Variants in ZNF578 observed in about 807,000 individuals in gnomAD.
ZNF578 encodes the protein zinc finger protein 578.
Under a neutral mutation model 8.3 loss-of-function variants are expected in ZNF578, and 8 were observed. That is an observed-to-expected ratio of 0.96 (90% CI 0.56 to 1.74). The LOEUF (loss-of-function observed/expected upper bound fraction) is 1.74, where lower values mean the gene tolerates loss of function less well. Ranked by LOEUF, ZNF578 falls within the 40% of genes most tolerant of loss-of-function variation. The pLI is 0.00. For missense variants in ZNF578, 726 were observed against 707.5 expected (o/e 1.03, Z -0.30); for synonymous variants, 206 against 232.2 (o/e 0.89, Z 1.03).
chr19:52,504,306 G>A (rs1458194739), intron 4 of ZNF578, among the ~76,000 whole-genome samples: 8 of 149,626 alleles, frequency 5.3e-5, no homozygotes, highest in Middle Eastern at 3.5e-3. Context: ...GGCCAGGGTG[G>A]TCTCGAACTC....
At chr19:52,492,460 A>ACTCC (rs2059369036) in intron 3 of ZNF578, among the ~76,000 whole-genome samples, 1 of 152,176 alleles carries the variant, frequency 6.6e-6, no homozygotes, top group Admixed American at 6.5e-5. Flanking sequence ...TCCCTCCTGA[A>ACTCC]TGAATGGCGA....
Position 52,511,359 on chromosome 19 carries a change from C to T in ZNF578, c.978C>T (p.Tyr326=), listed in dbSNP as rs533739679. Residue 326 remains tyrosine (Y), a synonymous_variant, in exon 6 of 6, where the codon TAC becomes TAT. Transcript: ENST00000421239. The stretch of plus-strand genomic sequence containing the variant: ...ATGAATGTGGAAAGTCCTTCAGTTA[C>T]AAGTCATCCCTTACATGCCATCATA... ...KCNECGKSFS[Y]KSSLTCHHRC... The T allele has an allele frequency of 2.5e-6, 4 of 1,613,634 alleles. No homozygotes were observed. The highest frequency in any genetic ancestry group is 2.5e-6 in the Non-Finnish European group (3 of 1,179,892).
chr19:52,469,522 C>G (rs770521359), intron 2 of ZNF578, among the ~76,000 whole-genome samples: 1 of 152,060 alleles, frequency 6.6e-6, no homozygotes, highest in Non-Finnish European at 1.5e-5. Flanking sequence ...GGAGTTGGCT[C>G]TCTAATCTTA....
intron 3 of ZNF578, among the ~76,000 whole-genome samples, chr19:52,495,547 AG>A (rs1413649124): frequency 6.6e-6 from 1 of 151,624 alleles, no homozygotes; most frequent in Non-Finnish European, 1.5e-5. Flanking sequence ...GGAGAGAGAA[AG>A]TGAAAAAGGG....
At chr19:52,493,958 C>G (rs1458744096) in intron 3 of ZNF578, among the ~76,000 whole-genome samples, 2 of 150,772 alleles carry the variant, frequency 1.3e-5, no homozygotes, top group African/African-American at 4.9e-5. Flanking sequence ...CCATTTCACT[C>G]CAGCCTGGGC....
intron 2 of ZNF578, among the ~76,000 whole-genome samples, chr19:52,477,367 G>A (rs2059311342): frequency 2.0e-5 from 3 of 152,046 alleles, no homozygotes; most frequent in Admixed American, 1.3e-4. Context: ...GAGGGGCCTG[G>A]GTCCAGGCCC....
chr19:52,509,924 C>G (rs1309938682), intron 5 of ZNF578, among the ~76,000 whole-genome samples: 1 of 150,484 alleles, frequency 6.6e-6, no homozygotes, highest in African/African-American at 2.4e-5. Context: ...CTTTGTTGCC[C>G]AGTGTGGAGT....
intron 3 of ZNF578, among the ~76,000 whole-genome samples, chr19:52,500,482 C>T (rs1233658875): frequency 4.6e-5 from 7 of 150,992 alleles, no homozygotes; most frequent in Non-Finnish European, 1.0e-4. Context: ...TCTTGGCTCA[C>T]TGCAACCTCT....
intron 2 of ZNF578, among the ~76,000 whole-genome samples, chr19:52,461,010 A>G (rs771331544): frequency 5.9e-5 from 9 of 152,198 alleles, no homozygotes; most frequent in Admixed American, 1.3e-4. Flanking sequence ...ACCGATACAC[A>G]TTAAAGTAAA....
In ZNF578 at chr19:52,459,767, A is replaced by ATT. The variant is rs1177924530; in HGVS notation, c.-122+2810_-122+2811insTT. ...TGTGTGTGTGTATATATATATATAT[A>ATT]TATTTTTTTTTTTTTTTTTTTTTTT... is the stretch of plus-strand genomic sequence containing the variant. On this transcript the variant is annotated intron_variant, in intron 2 of 5. Coordinates refer to ENST00000421239, the MANE Select transcript of ZNF578 (RefSeq NM_001099694.2). Among the ~76,000 whole-genome samples the ATT allele has an allele frequency of 6.6e-4, 4 of 6,018 alleles. 1 individual carries two copies. Among genetic ancestry groups the ATT allele is most frequent in the Non-Finnish European group, 1.2e-3 (2 of 1,602 alleles). The allele number at this position is 6,018 out of a possible 152,430, so 3.9% of individuals were successfully genotyped here.
chr19:52,483,944 G>C (rs2059335972), intron 2 of ZNF578, among the ~76,000 whole-genome samples: 1 of 151,224 alleles, frequency 6.6e-6, no homozygotes, highest in South Asian at 2.1e-4. Context: ...AAAGTATAGA[G>C]AAAGAAAAGC....
chr19:52,485,845 A>G (rs185123517), intron 2 of ZNF578, among the ~76,000 whole-genome samples: 1 of 152,256 alleles, frequency 6.6e-6, no homozygotes, highest in Admixed American at 6.5e-5. Flanking sequence ...GGCTGCAAGG[A>G]CCTCTGCCTA....
At position 52,511,548 on chromosome 19, in the gene ZNF578, T is replaced by C. The variant is rs2059446788; in HGVS notation, c.1167T>C (p.His389=). ...GTCAAAATTCAACCCTTGTAATTCATAAGGCAATTCATACTGGAGAGAAAC... is the reference window on the plus strand; with the variant it reads ...GTCAAAATTCAACCCTTGTAATTCACAAGGCAATTCATACTGGAGAGAAAC... ...MFGQNSTLVI[H]KAIHTGEKPY... is the part of the protein sequence containing the mutation. The change falls in exon 6 of 6, where the codon CAT becomes CAC. Residue 389 remains histidine, a synonymous_variant. Transcript: ENST00000421239. The C allele has an allele frequency of 6.2e-7, 1 of 1,613,794 alleles. No individual in the cohort carries two copies. The highest frequency in any genetic ancestry group is 8.5e-7 in the Non-Finnish European group (1 of 1,179,744).
At chr19:52,496,772 T>C (rs1000643847) in intron 3 of ZNF578, among the ~76,000 whole-genome samples, 1 of 151,174 alleles carries the variant, frequency 6.6e-6, no homozygotes, top group East Asian at 2.0e-4. Context: ...TAAGTAGTTA[T>C]GATTACAGGC....
Position 52,511,013 on chromosome 19 carries a change from A to AT in ZNF578, c.638dup (p.His214ProfsTer21). On this transcript the variant is annotated frameshift_variant, in exon 6 of 6. Transcript: ENST00000421239. LOFTEE classifies it low-confidence loss of function (END_TRUNC). ...CATACTCCTAATAACTATGGGAATA[A>AT]TTTTTTCCATTCATCATTACTCACA... 6.2e-7 allele frequency: 1 copy of AT among 1,614,186 alleles called. No individual in the cohort carries two copies. Among genetic ancestry groups the AT allele is most frequent in the Non-Finnish European group, 8.5e-7 (1 of 1,180,032 alleles).
At chr19:52,508,795 CA>C (rs374726428) in intron 5 of ZNF578, among the ~76,000 whole-genome samples, 220 of 100,800 alleles carry the variant, frequency 2.2e-3, no homozygotes, top group Middle Eastern at 7.5e-3. Flanking sequence ...AACTCTGTCT[CA>C]AAAAAAAAAA....
chr19:52,454,984 ACC>A (rs2059234768), intron 1 of ZNF578: 1 of 152,132 alleles, frequency 6.6e-6, no homozygotes, highest in African/African-American at 2.4e-5. Context: ...AGGCTCACTT[ACC>A]TGTCTCAAGC....
chr19:52,515,921 C>T lies in ZNF578; in HGVS notation c.*3767C>T, dbSNP rs889617931. On this transcript the variant is annotated 3_prime_UTR_variant, in exon 6 of 6. Transcript: ENST00000421239. ...TAAAGCAGGTCACGTCAATCCCTGG[C>T]AGGGAACCCTCCACCGGCTTCCCGT... Among the ~76,000 whole-genome samples the T allele has an allele frequency of 2.6e-4, 40 of 152,220 alleles. No individual in the cohort carries two copies. The highest frequency in any genetic ancestry group is 8.4e-4 in the African/African-American group (35 of 41,512).
In ZNF578 at chr19:52,489,784, T is replaced by C. The variant is rs560109486; in HGVS notation, c.-121-1540T>C. Among the ~76,000 whole-genome samples, 1,159 of 151,392 alleles carry C rather than the reference T, an allele frequency of 7.7e-3. 11 individuals carry two copies. The highest frequency in any genetic ancestry group is 0.027 in the African/African-American group (1,107 of 41,268). The stretch of plus-strand genomic sequence containing the variant: ...CATTCTCCTGCCTCAGCCTCCCGAG[T>C]AGCTGGGACTACAGGCGCCCGCCAC... On this transcript the variant is annotated intron_variant, in intron 2 of 5. Transcript: ENST00000421239.
Sources: allele counts gnomAD v4.1 joint callset (sites outside exome capture counted in the v4.1 genomes callset), GRCh38; gene constraint gnomAD v4.1.1; transcripts MANE v1.5; gene names NCBI Gene and HGNC (gene_info 2026-07-23, HGNC 2026-07-21).